Variants in SDK1 observed in about 807,000 individuals in gnomAD.
The protein encoded by SDK1 is protein sidekick-1.
In SDK1, 157 loss-of-function variants were observed where a neutral mutation model predicts 245.5. That is an observed-to-expected ratio of 0.64 (90% CI 0.56 to 0.73). SDK1 has a LOEUF of 0.73. Among genes scored for constraint, SDK1 ranks in the 30% least tolerant of loss-of-function variants. SDK1 has a pLI of 0.00. For synonymous variants in SDK1, 1,647 were observed against 1,278.5 expected (o/e 1.29, Z -6.15); for missense variants, 3,583 against 3,002.3 (o/e 1.19, Z -4.52).
At chr7:3,384,254 T>C (rs186165939) in intron 1 of SDK1, among the ~76,000 whole-genome samples, 25 of 152,352 alleles carry the variant, frequency 1.6e-4, no homozygotes, top group South Asian at 8.3e-4. Flanking sequence ...GTATACTTTT[T>C]AGTGCTTTAT....
intron 1 of SDK1, among the ~76,000 whole-genome samples, chr7:3,414,163 AG>A (rs1779294152): frequency 6.6e-6 from 1 of 152,142 alleles, no homozygotes; most frequent in Non-Finnish European, 1.5e-5. Context: ...AGGCAGAAAG[AG>A]GAATCAAGGA....
intron 1 of SDK1, among the ~76,000 whole-genome samples, chr7:3,561,618 C>G (rs1344125218): frequency 2.6e-5 from 4 of 152,296 alleles, no homozygotes; most frequent in South Asian, 2.1e-4. Context: ...TAAATAATTT[C>G]TGAATCAAGA....
rs377394590 is a variant in SDK1 at position 3,984,193 on chromosome 7, G to A, written c.1995-2993G>A. ...CTAGAATCACATCCTAGCTGAGAGG[G>A]GGCAGAGGGATGGAGGGACATGTGT... On this transcript the variant is annotated intron_variant, in intron 13 of 44. Transcript: ENST00000404826. Among the ~76,000 whole-genome samples, 170 of 152,242 alleles carry A rather than the reference G, an allele frequency of 1.1e-3. 4 individuals carry two copies. In the South Asian group the frequency reaches 0.033, roughly 30 times the overall value.
chr7:4,082,054 G>A (rs1406368794), intron 22 of SDK1, among the ~76,000 whole-genome samples: 1 of 152,170 alleles, frequency 6.6e-6, no homozygotes, highest in Non-Finnish European at 1.5e-5. Flanking sequence ...ACAGGAAGAA[G>A]TAATCTTTGG....
At chr7:3,969,540 A>G (rs1782325298) in intron 11 of SDK1, 116 bp downstream of exon 11, 1 of 697,840 alleles carries the variant, frequency 1.4e-6, no homozygotes, top group Non-Finnish European at 2.1e-6. Context: ...TCAAAAGAGA[A>G]TGATTATTTT....
intron 1 of SDK1, among the ~76,000 whole-genome samples, chr7:3,438,004 T>C (rs1041572143): frequency 3.3e-5 from 5 of 152,158 alleles, no homozygotes; most frequent in African/African-American, 7.2e-5. Context: ...ACCTGAGACA[T>C]TGTTGGGGCA....
chr7:3,779,963 A>G (rs191249081), intron 4 of SDK1, among the ~76,000 whole-genome samples: 28 of 149,490 alleles, frequency 1.9e-4, no homozygotes, highest in Middle Eastern at 3.5e-3. Context: ...AAAAAAAAAG[A>G]TGATGAGCAT....
chr7:3,594,019 A>T (rs536811325), intron 1 of SDK1, among the ~76,000 whole-genome samples: 1 of 152,310 alleles, frequency 6.6e-6, no homozygotes, highest in South Asian at 2.1e-4. Context: ...TAACATGTTT[A>T]GGGAGTTGTG....
At chr7:3,561,076 T>C (rs1779736746) in intron 1 of SDK1, among the ~76,000 whole-genome samples, 1 of 151,938 alleles carries the variant, frequency 6.6e-6, no homozygotes, top group East Asian at 1.9e-4. Context: ...TTCCTTCCCT[T>C]CCCCCTTCCC....
chr7:3,832,746 C>G (rs1391800484), intron 5 of SDK1, among the ~76,000 whole-genome samples: 1 of 152,124 alleles, frequency 6.6e-6, no homozygotes, highest in Admixed American at 6.6e-5. Context: ...TCGCAATAGT[C>G]TCTCTCTCTG....
chr7:3,707,363 G>A (rs1784920072), intron 4 of SDK1, among the ~76,000 whole-genome samples: 1 of 152,158 alleles, frequency 6.6e-6, no homozygotes, highest in Admixed American at 6.5e-5. Context: ...TAGTTTTCAA[G>A]GTTCCTTTTG....
At chr7:3,346,413 A>T (rs1780497821) in intron 1 of SDK1, among the ~76,000 whole-genome samples, 1 of 152,098 alleles carries the variant, frequency 6.6e-6, no homozygotes, top group African/African-American at 2.4e-5. Flanking sequence ...CCAGCACTAC[A>T]ACGTACGTAT....
chr7:3,715,701 C>A (rs1464430663), intron 4 of SDK1, among the ~76,000 whole-genome samples: 1 of 152,092 alleles, frequency 6.6e-6, no homozygotes, highest in Admixed American at 6.5e-5. Context: ...TTAAATAGGA[C>A]AAGGAGTCTT....
intron 1 of SDK1, among the ~76,000 whole-genome samples, chr7:3,599,254 G>A (rs1407270094): frequency 6.6e-6 from 1 of 151,926 alleles, no homozygotes; most frequent in Non-Finnish European, 1.5e-5. Flanking sequence ...GTGCTGATTT[G>A]CCATCTGTAG....
At chr7:4,135,521 T>G (rs1779016069) in intron 28 of SDK1, among the ~76,000 whole-genome samples, 1 of 152,214 alleles carries the variant, frequency 6.6e-6, no homozygotes, top group Admixed American at 6.5e-5. Context: ...GCACGAACCT[T>G]GGGGCTGCCT....
intron 1 of SDK1, among the ~76,000 whole-genome samples, chr7:3,353,227 C>T (rs948176929): frequency 6.6e-6 from 1 of 152,072 alleles, no homozygotes; most frequent in Non-Finnish European, 1.5e-5. Context: ...GATTATATCC[C>T]TTTTTACTAT....
chr7:3,747,502 T>C (rs1779658391), intron 4 of SDK1, among the ~76,000 whole-genome samples: 1 of 152,232 alleles, frequency 6.6e-6, no homozygotes, highest in South Asian at 2.1e-4. Context: ...AGTCATTCTT[T>C]TATTTAGCAA....
At position 3,302,069 on chromosome 7, in the gene SDK1, C is replaced by T. The variant is rs900471704; in HGVS notation, c.298+185C>T. Among the ~76,000 whole-genome samples the T allele has an allele frequency of 2.6e-5, 4 of 152,134 alleles. No homozygotes were observed. The East Asian group carries it at 7.8e-4, about 30-fold the overall frequency. Reference sequence around the variant, plus strand: ...ACTCGGAGGAGAGGGAAACGGAGCCCCGTAGAGCCTGCACCCCGTCTGCTA... The same window carrying T: ...ACTCGGAGGAGAGGGAAACGGAGCCTCGTAGAGCCTGCACCCCGTCTGCTA... On this transcript the variant is annotated intron_variant, in intron 1 of 44. Transcript: ENST00000404826.
At chr7:3,912,138 C>A (rs187737663) in intron 5 of SDK1, among the ~76,000 whole-genome samples, 1 of 152,084 alleles carries the variant, frequency 6.6e-6, no homozygotes, top group Non-Finnish European at 1.5e-5. Context: ...TTTGTTCCCT[C>A]GTTGAAGGTT....
Sources: allele counts gnomAD v4.1 joint callset (sites outside exome capture counted in the v4.1 genomes callset), GRCh38; gene constraint gnomAD v4.1.1; transcripts MANE v1.5; gene names NCBI Gene and HGNC (gene_info 2026-07-23, HGNC 2026-07-21).